The following MYO10 variants were observed in gnomAD, a reference collection of about 807,000 sequenced individuals.
MYO10 encodes the protein myosin X.
In MYO10, 133 loss-of-function variants were observed where a neutral mutation model predicts 257.3. The observed-to-expected ratio is 0.52, with a 90% confidence interval of 0.45 to 0.60. The LOEUF (loss-of-function observed/expected upper bound fraction) is 0.60. MYO10 is among the 20% of genes least tolerant of loss of function. MYO10 has a pLI of 0.00. For synonymous variants in MYO10, 1,104 were observed against 1,028.6 expected (o/e 1.07, Z -1.40); for missense variants, 2,399 against 2,635.7 (o/e 0.91, Z 1.97).
chr5:16,688,753 A>AG (rs1036755071), intron 28 of MYO10, among the ~76,000 whole-genome samples: 32 of 151,614 alleles, frequency 2.1e-4, no homozygotes, highest in African/African-American at 7.0e-4. Flanking sequence ...AAAAAAAGAA[A>AG]AAAAAAAAAA....
chr5:16,867,763 G>A (rs566045349), intron 2 of MYO10, among the ~76,000 whole-genome samples: 3 of 152,290 alleles, frequency 2.0e-5, no homozygotes, highest in African/African-American at 7.2e-5. Context: ...TAGCAGGTGG[G>A]AATGACTTGA....
intron 4 of MYO10, 148 bp from the exon 5 acceptor site, chr5:16,783,617 G>A: frequency 1.1e-6 from 1 of 934,224 alleles, no homozygotes; most frequent in Non-Finnish European, 1.6e-6. Flanking sequence ...AAAGAGCTGA[G>A]TTAAAAGAAA....
intron 40 of MYO10, among the ~76,000 whole-genome samples, chr5:16,667,924 G>A (rs1047920080): frequency 3.3e-5 from 5 of 152,174 alleles, no homozygotes; most frequent in African/African-American, 1.2e-4. Flanking sequence ...TCTCACAGCT[G>A]TGACACCGCT....
chr5:16,863,415 C>G (rs1055442903), intron 2 of MYO10, among the ~76,000 whole-genome samples: 1 of 152,146 alleles, frequency 6.6e-6, no homozygotes, highest in Non-Finnish European at 1.5e-5. Flanking sequence ...CCAGAGACCT[C>G]CTGGTCTCAC....
intron 40 of MYO10, 60 bp from the exon 41 acceptor site, chr5:16,666,853 T>C (rs1736196095): frequency 7.5e-7 from 1 of 1,335,188 alleles, no homozygotes; most frequent in Non-Finnish European, 1.0e-6. Context: ...CAAAGGGCCC[T>C]GCCTAATAAT....
intron 19 of MYO10, among the ~76,000 whole-genome samples, chr5:16,739,143 G>A (rs1579934073): frequency 1.3e-5 from 2 of 148,190 alleles, no homozygotes; most frequent in East Asian, 4.0e-4. Flanking sequence ...CTATGATTGT[G>A]CTTGTAAATA....
At position 16,666,561 on chromosome 5, in the gene MYO10, C is replaced by T; in HGVS notation, c.*131G>A. ...CAAAAGGATCCTCGGAGACACCTCC[C>T]TCAGACCAGAAGCTTCCAGAAAGCC... On this transcript the variant is annotated 3_prime_UTR_variant, in exon 41 of 41. Coordinates refer to ENST00000513610, the MANE Select transcript of MYO10 (RefSeq NM_012334.3). The T allele has an allele frequency of 1.4e-6, 1 of 709,828 alleles. No individual in the cohort carries two copies. The highest frequency in any genetic ancestry group is 2.3e-6 in the Non-Finnish European group (1 of 437,818). The allele number at this position is 709,828 out of a possible 1,614,324, so 44.0% of individuals were successfully genotyped here. A position where few individuals can be genotyped will look rare whatever the true frequency, so the allele number is the denominator to read the frequency against.
chr5:16,762,776 C>T, intron 14 of MYO10, 139 bp from the exon 15 acceptor site: 1 of 597,540 alleles, frequency 1.7e-6, no homozygotes, highest in Non-Finnish European at 2.9e-6. Context: ...CCAGCCTGGC[C>T]AACAGTGAAA....
rs200731097 is a variant in MYO10 at position 16,926,989 on chromosome 5, C to A, written c.21+8799G>T. Among the ~76,000 whole-genome samples the A allele has an allele frequency of 1.2e-4, 18 of 152,260 alleles. No homozygotes were observed. The East Asian group carries it at 3.5e-3, about 29-fold the overall frequency. ...CAGCAATAAAACCCATAGCTTTAAA[C>A]ATGTTTGTTGATTCTGCCCTAATGA... is the stretch of plus-strand genomic sequence containing the variant. On this transcript the variant is annotated intron_variant, in intron 1 of 40. Transcript: ENST00000513610.
chr5:16,847,951 T>C (rs1743685999), intron 2 of MYO10, among the ~76,000 whole-genome samples: 1 of 152,198 alleles, frequency 6.6e-6, no homozygotes, highest in Non-Finnish European at 1.5e-5. Context: ...GGTACTCACA[T>C]GCAAGTGATA....
At position 16,673,821 on chromosome 5, in the gene MYO10, T is replaced by G. The variant is rs765399492; in HGVS notation, c.5033A>C (p.Lys1678Thr). 1 of 1,614,044 alleles carries G rather than the reference T, an allele frequency of 6.2e-7. No homozygotes were observed. Among genetic ancestry groups the G allele is most frequent in the Non-Finnish European group, 8.5e-7 (1 of 1,179,908 alleles). ...YALFTYESLKKTKCREFVPSR... is the reference protein window; with the variant it reads ...YALFTYESLKTTKCREFVPSR... ...AGGCACAAACTCTCGGCATTTGGTT[T>G]TCTTAAGAGATTCGTAAGTGAAGAG... is the stretch of plus-strand genomic sequence containing the variant. The change falls in exon 36 of 41, where the codon AAA becomes ACA. Residue 1678 changes from lysine to threonine, a missense_variant. Physicochemically the swap from Lys to Thr is moderately conservative, Grantham distance 78 (BLOSUM62 -1). Around this residue, in one of 3 missense-constraint regions of MYO10, gnomAD observed 1,820 missense variants for 1,939.4 expected, o/e 0.94. Coordinates refer to ENST00000513610, the MANE Select transcript of MYO10 (RefSeq NM_012334.3).
chr5:16,676,071 G>A lies in MYO10; in HGVS notation c.4626C>T (p.Ser1542=). The stretch of plus-strand genomic sequence containing the variant: ...CCCCATACGGAAGGGGCAGGAGCGG[G>A]GAGTGCAAGGGGTGATGGGTGTATC... ...ILRYTHHPLH[S]PLLPLPYGDI... is the part of the protein sequence containing the mutation. Residue 1542 remains serine (S), a synonymous_variant, in exon 34 of 41, where the codon TCC becomes TCT. Coordinates refer to ENST00000513610, the MANE Select transcript of MYO10 (RefSeq NM_012334.3). 6.2e-7 allele frequency: 1 copy of A among 1,613,128 alleles called. No homozygotes were observed. Among genetic ancestry groups the A allele is most frequent in the Admixed American group, 1.7e-5 (1 of 59,854 alleles).
At chr5:16,669,285 CTCACTGCAACCTCCACCTCCTGAG>C (rs1736328316) in intron 39 of MYO10, among the ~76,000 whole-genome samples, 1 of 151,766 alleles carries the variant, frequency 6.6e-6, no homozygotes, top group Non-Finnish European at 1.5e-5. Context: ...GTGATCCTGG[CTCACTGCAACCTCCACCTCCTGAG>C]TTCAAGCGAT....
chr5:16,887,664 T>C (rs1335268348), intron 1 of MYO10, among the ~76,000 whole-genome samples: 1 of 152,090 alleles, frequency 6.6e-6, no homozygotes, highest in Non-Finnish European at 1.5e-5. Context: ...CTAATTTTTG[T>C]ATTTTTAGTA....
At chr5:16,809,186 A>C (rs1287220242) in intron 3 of MYO10, among the ~76,000 whole-genome samples, 1 of 151,722 alleles carries the variant, frequency 6.6e-6, no homozygotes, top group African/African-American at 2.4e-5. Context: ...AAAAGCCAAA[A>C]AAACCCAGAA....
At chr5:16,716,890 G>A (rs1738899080) in intron 19 of MYO10, among the ~76,000 whole-genome samples, 1 of 152,144 alleles carries the variant, frequency 6.6e-6, no homozygotes, top group African/African-American at 2.4e-5. Flanking sequence ...CTGGAGTGCA[G>A]TGGTGTGATC....
At chr5:16,738,890 CAAAAA>C (rs36039787) in intron 19 of MYO10, among the ~76,000 whole-genome samples, 2 of 74,224 alleles carry the variant, frequency 2.7e-5, no homozygotes, top group Non-Finnish European at 5.1e-5. Flanking sequence ...GACTCCATCT[CAAAAA>C]AAAAAAAAAA....
rs368588924 is a variant in MYO10 at position 16,701,128 on chromosome 5, G to A, written c.3267C>T (p.Tyr1089=). 2.2e-5 allele frequency: 35 copies of A among 1,596,606 alleles called. 1 individual carries two copies. The highest frequency in any genetic ancestry group is 1.6e-4 in the Middle Eastern group (1 of 6,064). Residue 1089 remains tyrosine, a synonymous_variant, in exon 25 of 41, where the codon TAC becomes TAT. Coordinates refer to ENST00000513610, the MANE Select transcript of MYO10 (RefSeq NM_012334.3). This position sits in a 1 kb window ranked among gnomAD's most constrained non-coding sequence, Gnocchi z 8.1. ...CCTCATAGTCATCCTGGTCGTAGTC[G>A]TAGTCGCCGTCTGGGGAGGGCAAGT... The part of the protein sequence containing the change: ...AGDLPSPDGD[Y]DYDQDDYEDG...
chr5:16,697,435 C>G (rs1737803605), intron 26 of MYO10, among the ~76,000 whole-genome samples: 1 of 152,198 alleles, frequency 6.6e-6, no homozygotes, highest in Admixed American at 6.5e-5. Context: ...GGCGCGGTGG[C>G]TCACTCCTGT....
Sources: gnomAD v4.1 joint callset for allele counts (sites outside exome capture counted in the v4.1 genomes callset) on GRCh38, gnomAD v4.1.1 for gene constraint, gnomAD v4.1.1 regional missense constraint, Gnocchi (gnomAD v3.1) non-coding constraint, MANE v1.5 for transcripts, NCBI Gene and HGNC (gene_info 2026-07-23, HGNC 2026-07-21) for gene names.